WLS: variants seen among roughly 807,000 people sequenced by gnomAD.
The protein encoded by WLS is protein wntless homolog.
WLS carries 23 observed loss-of-function variants against 62.8 expected under a neutral mutation model. That is an observed-to-expected ratio of 0.37 (90% confidence interval 0.26 to 0.52). WLS has a LOEUF of 0.52. Among genes scored for constraint, WLS ranks in the 20% least tolerant of loss-of-function variants. The pLI, the probability that WLS is intolerant of heterozygous loss-of-function variation, is 0.92. For synonymous variants in WLS, 246 were observed against 244.1 expected, an observed-to-expected ratio of 1.01 and a Z score of -0.07; for missense variants, 615 against 697.3, an observed-to-expected ratio of 0.88 and a Z score of 1.33.
chr1:68,181,457 A>T (rs1647564515), intron 2 of WLS, among the ~76,000 whole-genome samples: 1 of 152,342 alleles, frequency 6.6e-6, no homozygotes, highest in Non-Finnish European at 1.5e-5. Flanking sequence ...GGCACTATAA[A>T]CAGGGCCAGC....
At chr1:68,188,408 T>G (rs1026299135) in intron 2 of WLS, among the ~76,000 whole-genome samples, 3 of 152,200 alleles carry the variant, frequency 2.0e-5, no homozygotes, top group African/African-American at 7.2e-5. Flanking sequence ...AGCTGTGGAT[T>G]TCATAAATGT....
At chr1:68,170,332 A>AT (rs1553131281) in intron 2 of WLS, among the ~76,000 whole-genome samples, 2 of 151,556 alleles carry the variant, frequency 1.3e-5, no homozygotes, top group South Asian at 2.1e-4. Context: ...TGCCTGGCTA[A>AT]TTTTTTTGTA....
chr1:68,137,635 G>C, intron 11 of WLS, 145 bp downstream of exon 11: 2 of 842,622 alleles, frequency 2.4e-6, no homozygotes, highest in East Asian at 2.7e-5. Context: ...AGTCCCCTGG[G>C]TGCTCATTCA....
intron 2 of WLS, among the ~76,000 whole-genome samples, chr1:68,166,573 C>G (rs1647062802): frequency 6.6e-6 from 1 of 152,202 alleles, no homozygotes; most frequent in Non-Finnish European, 1.5e-5. Flanking sequence ...TCAAAAGAAG[C>G]TAACAGCTGA....
At chr1:68,187,189 C>CAAAAAAAAAAAAAAAAA (rs34130992) in intron 2 of WLS, among the ~76,000 whole-genome samples, 881 of 57,012 alleles carry the variant, frequency 0.015, 43 homozygotes, top group Non-Finnish European at 0.021. Context: ...ACTCCATCTC[C>CAAAAAAAAAAAAAAAAA]AAAAAAAAAA....
chr1:68,221,524 T>C (rs764964446), intron 1 of WLS, among the ~76,000 whole-genome samples: 5 of 152,216 alleles, frequency 3.3e-5, no homozygotes, highest in Non-Finnish European at 7.3e-5. Context: ...GAATGTCTTT[T>C]CTATATCTTT....
rs7524267 is a variant in WLS at position 68,188,084 on chromosome 1, C to T, written c.379+5871G>A. On this transcript the variant is annotated intron_variant, in intron 2 of 11. Transcript: ENST00000262348. ...CAGCACTTTCCTCACAACCTGAAAA[C>T]GGAACCTGTGGCAAGTACCTGCCCA... 2.9e-3 allele frequency among the ~76,000 whole-genome samples: 439 copies of T among 152,270 alleles called. 6 individuals carry two copies. The highest frequency in any genetic ancestry group is 9.6e-3 in the African/African-American group (400 of 41,562).
chr1:68,226,916 A>G (rs1202353289), intron 1 of WLS, among the ~76,000 whole-genome samples: 1 of 152,224 alleles, frequency 6.6e-6, no homozygotes, highest in Non-Finnish European at 1.5e-5. Context: ...TTAAGGTCAA[A>G]TCATTGTAAA....
In WLS at chr1:68,185,905, C is replaced by T. The variant is rs922850750; in HGVS notation, c.379+8050G>A. On this transcript the variant is annotated intron_variant, in intron 2 of 11. Transcript: ENST00000262348. ...ATTGGCCATAAGCGAGTGACTCAATCTTTAGGCCTCTTCCCTCCTGGCTGT... is the reference window on the plus strand; with the variant it reads ...ATTGGCCATAAGCGAGTGACTCAATTTTTAGGCCTCTTCCCTCCTGGCTGT... Among the ~76,000 whole-genome samples the T allele has an allele frequency of 2.0e-5, 3 of 152,170 alleles. No homozygotes were observed. In the South Asian group the frequency reaches 6.2e-4, roughly 32 times the overall value.
chr1:68,168,995 T>C (rs1647105953), intron 2 of WLS, among the ~76,000 whole-genome samples: 1 of 152,206 alleles, frequency 6.6e-6, no homozygotes, highest in African/African-American at 2.4e-5. Flanking sequence ...TGGGTGTGAG[T>C]GGTTATAAAA....
chr1:68,193,854 T>C (rs904360001), intron 2 of WLS, 101 bp downstream of exon 2: 121 of 1,454,456 alleles, frequency 8.3e-5, no homozygotes, highest in Non-Finnish European at 1.1e-4. Flanking sequence ...TTGTTTGCTA[T>C]TACTATTACC....
chr1:68,153,920 G>T (rs1002267748), intron 4 of WLS, among the ~76,000 whole-genome samples: 1 of 152,144 alleles, frequency 6.6e-6, no homozygotes, highest in Non-Finnish European at 1.5e-5. Context: ...CGGCTTTCAT[G>T]TTCTGGGGTC....
At chr1:68,173,400 AC>A (rs1386549729) in intron 2 of WLS, among the ~76,000 whole-genome samples, 1 of 144,580 alleles carries the variant, frequency 6.9e-6, no homozygotes, top group Non-Finnish European at 1.5e-5. Flanking sequence ...GTGAAAATCT[AC>A]CTGCGTGCCC....
intron 2 of WLS, chr1:68,162,987 AG>A: frequency 6.3e-7 from 1 of 1,591,964 alleles, no homozygotes; most frequent in Non-Finnish European, 8.6e-7. Context: ...CAGCGCCACC[AG>A]GGGGCAGGAG....
intron 11 of WLS, among the ~76,000 whole-genome samples, chr1:68,100,123 GA>G (rs1646057655): frequency 6.6e-6 from 1 of 152,228 alleles, no homozygotes; most frequent in Non-Finnish European, 1.5e-5. Context: ...AAACTCAGAG[GA>G]AACTTGACAT....
rs375686374 is a variant in WLS, at chr1:68,159,568, T to C, written c.380-321A>G. Among the ~76,000 whole-genome samples the C allele has an allele frequency of 8.5e-5, 13 of 152,312 alleles. No individual in the cohort carries two copies. In the East Asian group the frequency reaches 2.3e-3, roughly 27 times the overall value. On this transcript the variant is annotated intron_variant, in intron 2 of 11. Coordinates refer to ENST00000262348, the MANE Select transcript of WLS (RefSeq NM_024911.7). Reference sequence around the variant, plus strand: ...TAACTTGTACCATGGGTCCTAGGTCTGCCTGTAGAAGCCACGTGGAAGGTG... The same window carrying C: ...TAACTTGTACCATGGGTCCTAGGTCCGCCTGTAGAAGCCACGTGGAAGGTG...
At chr1:68,144,761 C>T in intron 9 of WLS, 109 bp from the exon 10 acceptor site, 1 of 827,386 alleles carries the variant, frequency 1.2e-6, no homozygotes, top group Non-Finnish European at 1.9e-6. Context: ...AACCAAATCC[C>T]TAAGAATGAC....
intron 2 of WLS, among the ~76,000 whole-genome samples, chr1:68,170,419 C>T (rs762588831): frequency 2.0e-5 from 3 of 151,938 alleles, no homozygotes; most frequent in Admixed American, 1.3e-4. Flanking sequence ...CCACCCGCCT[C>T]GGACTCCCAA....
In WLS at chr1:68,150,291, C is replaced by A. The variant is rs1646809100; in HGVS notation, c.869G>T (p.Gly290Val). 2 of 1,614,178 alleles carry A rather than the reference C, an allele frequency of 1.2e-6. No individual in the cohort carries two copies. The highest frequency in any genetic ancestry group is 1.7e-6 in the Non-Finnish European group (2 of 1,180,044). Reference sequence around the variant, plus strand: ...CAGCAGCATCCAGGTCCAGTCAAACCCGATGGAAAACCATTCCACTGGGAT... The same window carrying A: ...CAGCAGCATCCAGGTCCAGTCAAACACGATGGAAAACCATTCCACTGGGAT... Reference protein sequence around the residue: ...INIPVEWFSIGFDWTWMLLFG... With the variant: ...INIPVEWFSIVFDWTWMLLFG... The change falls in exon 6 of 12, where the codon GGG (glycine) becomes GTG (valine). Residue 290 changes from glycine (G) to valine (V), a missense_variant. By Grantham distance (109) the Gly-to-Val change is moderately radical (BLOSUM62 -3). Coordinates refer to ENST00000262348, the MANE Select transcript of WLS (RefSeq NM_024911.7).
Sources: allele counts gnomAD v4.1 joint callset (sites outside exome capture counted in the v4.1 genomes callset), GRCh38; gene constraint gnomAD v4.1.1; transcripts MANE v1.5; gene names NCBI Gene and HGNC (gene_info 2026-07-23, HGNC 2026-07-21).